The following ARHGAP22 variants were observed in gnomAD, a reference collection of about 807,000 sequenced individuals.
ARHGAP22 encodes Rho GTPase activating protein 22.
ARHGAP22 carries 48 observed loss-of-function variants against 59.1 expected under a neutral mutation model. The ratio of observed to expected loss-of-function variants is 0.81; its 90% CI spans 0.64 to 1.03. The LOEUF is 1.03. Among genes scored for constraint, ARHGAP22 ranks in the 50% least tolerant of loss-of-function variants. ARHGAP22 has a pLI of 0.00. For missense variants in ARHGAP22, 1,015 were observed against 958.7 expected, an observed-to-expected ratio of 1.06 and a Z score of -0.78; for synonymous variants, 445 against 416.4, an observed-to-expected ratio of 1.07 and a Z score of -0.84.
chr10:48,431,285 A>G, the ARHGAP22 span: 1 of 1,571,350 alleles, frequency 6.4e-7, no homozygotes, highest in Non-Finnish European at 8.7e-7. Flanking sequence ...GTTACAATAT[A>G]AGCTTGGTTA....
At chr10:48,570,731 G>A (rs898000057) in intron 2 of ARHGAP22, among the ~76,000 whole-genome samples, 2 of 152,318 alleles carry the variant, frequency 1.3e-5, no homozygotes, top group South Asian at 4.1e-4. Context: ...TTCACCAAGA[G>A]CAATGAGATC....
At chr10:48,607,279 A>G (rs1422673042), upstream of ARHGAP22, among the ~76,000 whole-genome samples, 1 of 152,098 alleles carries the variant, frequency 6.6e-6, no homozygotes, top group Non-Finnish European at 1.5e-5. Context: ...CACTGTGTTC[A>G]CTCGCCTGCT....
the ARHGAP22 span, chr10:48,430,757 A>G: frequency 6.0e-6 from 1 of 166,888 alleles, no homozygotes; most frequent in African/African-American, 2.4e-5. Context: ...TCTTGGTAGC[A>G]TATATCTAGT....
intron 1 of ARHGAP22, among the ~76,000 whole-genome samples, chr10:48,641,752 A>C (rs1020590172): frequency 6.6e-6 from 1 of 152,222 alleles, no homozygotes; most frequent in Non-Finnish European, 1.5e-5. Flanking sequence ...CAGGGCAATC[A>C]GGCAGGAGAA....
intron 3 of ARHGAP22, chr10:48,523,951 G>A: frequency 1.9e-6 from 2 of 1,038,548 alleles, no homozygotes; most frequent in Non-Finnish European, 2.6e-6. Flanking sequence ...GCTGAGGCAG[G>A]TGCGGGCGGC....
chr10:48,569,938 T>C (rs974341538), intron 2 of ARHGAP22, among the ~76,000 whole-genome samples: 1 of 152,222 alleles, frequency 6.6e-6, no homozygotes, highest in Non-Finnish European at 1.5e-5. Context: ...CCCCAGACAT[T>C]GCTGATGCTG....
At chr10:48,435,239 A>AT in the ARHGAP22 span, 23,636 of 439,460 alleles carry the variant, frequency 0.054, 1,106 homozygotes, top group Admixed American at 0.21. Context: ...ACTGTATTGT[A>AT]TTTTTTTTGC....
At chr10:48,509,213 A>C (rs1589832786) in intron 3 of ARHGAP22, among the ~76,000 whole-genome samples, 1 of 152,142 alleles carries the variant, frequency 6.6e-6, no homozygotes, top group Non-Finnish European at 1.5e-5. Context: ...GCCATCCTGC[A>C]CTCAGCTGGC....
intron 3 of ARHGAP22, among the ~76,000 whole-genome samples, chr10:48,543,063 C>A (rs944318479): frequency 6.6e-6 from 1 of 152,100 alleles, no homozygotes; most frequent in Non-Finnish European, 1.5e-5. Context: ...ACTTGGGGGC[C>A]CCTGGGTGTC....
chr10:48,612,149 C>A (rs1217608826), intron 1 of ARHGAP22, among the ~76,000 whole-genome samples: 2 of 151,916 alleles, frequency 1.3e-5, no homozygotes, highest in African/African-American at 4.8e-5. Flanking sequence ...TATCCATTTC[C>A]CCTCCTTTTG....
At chr10:48,582,713 T>A in intron 2 of ARHGAP22, 1 of 568,316 alleles carries the variant, frequency 1.8e-6, no homozygotes, top group Non-Finnish European at 3.1e-6. Flanking sequence ...ACAAGGACAT[T>A]CTCTATCAAC....
At chr10:48,523,021 T>C (rs1013909736) in intron 3 of ARHGAP22, among the ~76,000 whole-genome samples, 1 of 152,244 alleles carries the variant, frequency 6.6e-6, no homozygotes, top group Non-Finnish European at 1.5e-5. Flanking sequence ...AGCCTGTACA[T>C]TGATGGCACC....
chr10:48,652,423 G>T, exon 1 of ARHGAP22: 2 of 714,674 alleles, frequency 2.8e-6, no homozygotes, highest in Non-Finnish European at 4.7e-6. Context: ...TATTTAGAAT[G>T]CCCTTTATCT....
intron 3 of ARHGAP22, among the ~76,000 whole-genome samples, chr10:48,548,239 C>T (rs1239900767): frequency 5.3e-5 from 8 of 152,186 alleles, no homozygotes; most frequent in South Asian, 2.1e-4. Flanking sequence ...AGTGTCACTC[C>T]CATCACATCC....
intron 3 of ARHGAP22, among the ~76,000 whole-genome samples, chr10:48,539,291 A>ATTTTTTTTTT (rs56801787): frequency 7.3e-6 from 1 of 136,262 alleles, no homozygotes. Flanking sequence ...GAAGGGTAAC[A>ATTTTTTTTTT]TTTTTTTTTT....
chr10:48,566,206 T>C (rs2058038724), intron 2 of ARHGAP22, among the ~76,000 whole-genome samples: 1 of 152,160 alleles, frequency 6.6e-6, no homozygotes, highest in African/African-American at 2.4e-5. Context: ...TCTTGGAAAA[T>C]GGCAGGCATG....
At chr10:48,582,898 C>T in intron 2 of ARHGAP22, 55 bp downstream of exon 2, 1 of 1,591,246 alleles carries the variant, frequency 6.3e-7, no homozygotes, top group Non-Finnish European at 8.6e-7. Flanking sequence ...CATGGTCTTC[C>T]CTCTTGTGGA....
intron 1 of ARHGAP22, among the ~76,000 whole-genome samples, chr10:48,589,051 C>A (rs1451842140): frequency 5.9e-5 from 9 of 152,146 alleles, no homozygotes; most frequent in African/African-American, 2.2e-4. Flanking sequence ...GCCGCTGTCA[C>A]CTACTCTTGC....
chr10:48,569,917 C>T (rs750593963), intron 2 of ARHGAP22, among the ~76,000 whole-genome samples: 2 of 152,194 alleles, frequency 1.3e-5, no homozygotes, highest in Non-Finnish European at 2.9e-5. Context: ...TTTTGCTGTC[C>T]ATACATTAGT....
Sources: gnomAD v4.1 joint callset for allele counts (sites outside exome capture counted in the v4.1 genomes callset) on GRCh38, gnomAD v4.1.1 for gene constraint, MANE v1.5 for transcripts, NCBI Gene and HGNC (gene_info 2026-07-23, HGNC 2026-07-21) for gene names.